Variants in GAS7 observed in about 807,000 individuals in gnomAD.
GAS7 encodes the protein growth arrest specific 7, also known as growth arrest-specific protein 7.
A neutral mutation model predicts 71.1 loss-of-function variants in GAS7; 28 were observed. The observed-to-expected ratio is 0.39, with a 90% CI of 0.29 to 0.54. The LOEUF (loss-of-function observed/expected upper bound fraction) is 0.54, where lower values mean the gene tolerates loss of function less well. Ranked by LOEUF, GAS7 falls within the 20% of genes least tolerant of loss-of-function variation. The probability of loss-of-function intolerance (pLI) is 0.62; values close to 1 mark genes in which losing one functional copy is unlikely to be tolerated. For synonymous variants in GAS7, 258 were observed against 245.8 expected (o/e 1.05, Z -0.46); for missense variants, 436 against 627.8 (o/e 0.69, Z 3.27).
intron 1 of GAS7, among the ~76,000 whole-genome samples, chr17:10,157,313 T>C (rs548731405): frequency 8.3e-4 from 126 of 152,234 alleles, no homozygotes; most frequent in Non-Finnish European, 1.4e-3. Context: ...TAAAGATCCA[T>C]TACTGTCAAC....
Position 9,959,858 on chromosome 17 carries a change from C to T in GAS7, c.472-603G>A, listed in dbSNP as rs2069410167. ...TATATTGCCTTTTGATGTCTTCCACCGCCAGTAAGAAAACCAGAGTCCCAA... is the reference window on the plus strand; with the variant it reads ...TATATTGCCTTTTGATGTCTTCCACTGCCAGTAAGAAAACCAGAGTCCCAA... On this transcript the variant is annotated intron_variant, in intron 4 of 13. Coordinates refer to ENST00000432992, the MANE Select transcript of GAS7 (RefSeq NM_201433.2). This position sits in a 1 kb window ranked among gnomAD's most constrained non-coding sequence, Gnocchi z 5.0. Among the ~76,000 whole-genome samples, 2 of 152,180 alleles carry T rather than the reference C, an allele frequency of 1.3e-5. No individual in the cohort carries two copies. The highest frequency in any genetic ancestry group is 4.2e-4 in the South Asian group (2 of 4,816).
chr17:10,075,616 G>A (rs910456634), intron 1 of GAS7, among the ~76,000 whole-genome samples: 5 of 151,950 alleles, frequency 3.3e-5, no homozygotes, highest in South Asian at 2.1e-4. Context: ...GCAATATAGC[G>A]AGACCCTACG....
chr17:10,070,853 C>T (rs117615840), intron 1 of GAS7, among the ~76,000 whole-genome samples: 1,771 of 151,530 alleles, frequency 0.012, 58 homozygotes, highest in East Asian at 0.075. Flanking sequence ...GGGGTGGTGG[C>T]GAAGGAAGAG....
At chr17:9,976,569 TA>T (rs1299799804) in intron 3 of GAS7, among the ~76,000 whole-genome samples, 2 of 152,210 alleles carry the variant, frequency 1.3e-5, no homozygotes, top group African/African-American at 4.8e-5. Flanking sequence ...GCTGCCTCCC[TA>T]ACCATATCCC....
At chr17:10,138,846 C>A (rs900973714) in intron 1 of GAS7, among the ~76,000 whole-genome samples, 2 of 152,260 alleles carry the variant, frequency 1.3e-5, no homozygotes, top group East Asian at 3.9e-4. Flanking sequence ...CTGTCCTATG[C>A]TCTTTCCATC....
chr17:10,172,796 G>C (rs1178747468), intron 1 of GAS7, among the ~76,000 whole-genome samples: 2 of 152,212 alleles, frequency 1.3e-5, no homozygotes, highest in African/African-American at 4.8e-5. Flanking sequence ...TATTTCTCAA[G>C]TGCCTTTTCC....
In GAS7 at chr17:10,049,609, C is replaced by CTTTTT. The variant is rs1168627510; in HGVS notation, c.184-29717_184-29713dup. 1.7e-3 allele frequency among the ~76,000 whole-genome samples: 119 copies of CTTTTT among 70,414 alleles called. 8 individuals are homozygous for CTTTTT. The highest frequency in any genetic ancestry group is 3.9e-3 in the East Asian group (7 of 1,818). 46.2% of individuals were successfully genotyped at this position (70,414 alleles called of 152,430 possible). ...TTTAAAACGTGTTTTGAAATTACTT[C>CTTTTT]TTTTTTTTTTTTTTTTTTTTTTTTT... On this transcript the variant is annotated intron_variant, in intron 1 of 13. Coordinates refer to ENST00000432992, the MANE Select transcript of GAS7 (RefSeq NM_201433.2).
intron 2 of GAS7, among the ~76,000 whole-genome samples, chr17:9,983,066 C>T (rs987944018): frequency 3.9e-5 from 6 of 151,926 alleles, no homozygotes; most frequent in African/African-American, 1.4e-4. Flanking sequence ...ATCATCCCAC[C>T]ATTCAGAGGT....
At chr17:10,047,484 G>C (rs142486428) in intron 1 of GAS7, among the ~76,000 whole-genome samples, 8 of 152,172 alleles carry the variant, frequency 5.3e-5, no homozygotes, top group Non-Finnish European at 2.9e-5. Flanking sequence ...TACATGCCAC[G>C]TTTACATAGA....
At chr17:9,935,890 G>A (rs564480494) in intron 8 of GAS7, among the ~76,000 whole-genome samples, 137 of 152,326 alleles carry the variant, frequency 9.0e-4, no homozygotes, top group Non-Finnish European at 1.7e-3. Context: ...CCCTCTGGGT[G>A]GCTTGGGTGC....
chr17:10,153,860 A>G (rs918271529), intron 1 of GAS7, among the ~76,000 whole-genome samples: 1 of 152,138 alleles, frequency 6.6e-6, no homozygotes, highest in Non-Finnish European at 1.5e-5. Flanking sequence ...TGAGGCCTGG[A>G]GTTCAAGACC....
intron 1 of GAS7, among the ~76,000 whole-genome samples, chr17:10,044,789 TCACGCCTGTAATCCCAG>T (rs1318248524): frequency 2.6e-5 from 4 of 152,162 alleles, no homozygotes; most frequent in African/African-American, 9.7e-5. Flanking sequence ...GCGCGGTGGC[TCACGCCTGTAATCCCAG>T]CACTTTGGGA....
In GAS7 at chr17:10,055,695, A is replaced by AAAAAACAC. The variant is rs1319576197; in HGVS notation, c.184-35806_184-35799dup. Among the ~76,000 whole-genome samples the AAAAAACAC allele has an allele frequency of 1.3e-5, 2 of 152,342 alleles. 1 individual carries two copies. The highest frequency in any genetic ancestry group is 4.8e-5 in the African/African-American group (2 of 41,566). ...TTATTTTCAAAGTCTGGTTCACAAT[A>AAAAAACAC]AAAAACACATTTTACTTCACAACTC... On this transcript the variant is annotated intron_variant, in intron 1 of 13. Transcript: ENST00000432992.
intron 5 of GAS7, among the ~76,000 whole-genome samples, chr17:9,958,754 C>A (rs1282020628): frequency 1.3e-5 from 2 of 152,150 alleles, no homozygotes; most frequent in African/African-American, 4.8e-5. Flanking sequence ...GCCTGCTCCC[C>A]TCAGGGACTC....
intron 2 of GAS7, among the ~76,000 whole-genome samples, chr17:9,996,789 C>T (rs2071064097): frequency 6.6e-6 from 1 of 151,878 alleles, no homozygotes; most frequent in Admixed American, 6.6e-5. Flanking sequence ...CAGACATGCG[C>T]CACCACACCC....
Position 9,984,395 on chromosome 17 carries a change from T to C in GAS7, c.305-2511A>G, listed in dbSNP as rs555134611. On this transcript the variant is annotated intron_variant, in intron 2 of 13. Coordinates refer to ENST00000432992, the MANE Select transcript of GAS7 (RefSeq NM_201433.2). ...AGGGGCAGGCATAACAGGGGTAATA[T>C]GGTCCCTTCATGTCTTAAGGGAGAG... Among the ~76,000 whole-genome samples the C allele has an allele frequency of 2.6e-5, 4 of 152,248 alleles. No homozygotes were observed. In the South Asian group the frequency reaches 8.3e-4, roughly 32 times the overall value.
chr17:10,108,158 G>A (rs1459846982), intron 1 of GAS7, among the ~76,000 whole-genome samples: 2 of 152,234 alleles, frequency 1.3e-5, no homozygotes, highest in South Asian at 2.1e-4. Context: ...AGCTAGGCAG[G>A]AGAACTGCAA....
chr17:10,167,645 T>C (rs1040383254), intron 1 of GAS7, among the ~76,000 whole-genome samples: 10 of 152,198 alleles, frequency 6.6e-5, no homozygotes, highest in African/African-American at 1.9e-4. Flanking sequence ...TGTGCAAACA[T>C]TGCGAAGGTC....
intron 1 of GAS7, among the ~76,000 whole-genome samples, chr17:10,053,552 A>G (rs528805371): frequency 3.3e-5 from 5 of 152,134 alleles, no homozygotes; most frequent in Admixed American, 1.3e-4. Flanking sequence ...CACCAGCCCC[A>G]TGGGAAGGGA....
Sources: gnomAD v4.1 joint callset for allele counts (sites outside exome capture counted in the v4.1 genomes callset) on GRCh38, gnomAD v4.1.1 for gene constraint, Gnocchi (gnomAD v3.1) non-coding constraint, MANE v1.5 for transcripts, NCBI Gene and HGNC (gene_info 2026-07-23, HGNC 2026-07-21) for gene names.